Variants in VPS8 observed in about 807,000 individuals in gnomAD.
VPS8 encodes vacuolar protein sorting-associated protein 8 homolog.
VPS8 carries 129 observed loss-of-function variants against 216.4 expected under a neutral mutation model. That is an observed-to-expected ratio of 0.60 (90% CI 0.52 to 0.69). The LOEUF is 0.69. VPS8 is among the 30% of genes least tolerant of loss of function. The pLI is 0.00. For synonymous variants in VPS8, 571 were observed against 565.4 expected, an observed-to-expected ratio of 1.01 and a Z score of -0.14; for missense variants, 1,531 against 1,683.5, an observed-to-expected ratio of 0.91 and a Z score of 1.59.
chr3:184,886,839 G>A (rs1016890285), intron 22 of VPS8, among the ~76,000 whole-genome samples: 6 of 151,822 alleles, frequency 4.0e-5, no homozygotes, highest in African/African-American at 1.5e-4. Flanking sequence ...TCAGCCTCCT[G>A]AAGTGCTGGG....
At chr3:184,853,778 A>G in intron 11 of VPS8, 79 bp from the exon 12 acceptor site, 2 of 1,461,004 alleles carry the variant, frequency 1.4e-6, no homozygotes, top group Non-Finnish European at 1.9e-6. Context: ...GTAGGAGGCT[A>G]TGAAAGTAGT....
intron 17 of VPS8, 66 bp from the exon 18 acceptor site, chr3:184,867,958 C>T: frequency 2.6e-6 from 4 of 1,547,480 alleles, no homozygotes; most frequent in Non-Finnish European, 2.7e-6. Context: ...GGGACTAGGA[C>T]AAATGTATCT....
chr3:184,835,181 TATTTC>T (rs912696556), intron 5 of VPS8, among the ~76,000 whole-genome samples: 6 of 152,162 alleles, frequency 3.9e-5, no homozygotes, highest in Admixed American at 6.5e-5. Context: ...TCATGTCCCT[TATTTC>T]ATTTATTCTT....
chr3:184,954,659 G>A (rs79103760), intron 36 of VPS8, among the ~76,000 whole-genome samples: 2,739 of 152,220 alleles, frequency 0.018, 87 homozygotes, highest in African/African-American at 0.063. Context: ...CTTTCCGATA[G>A]GATTTATTCC....
intron 45 of VPS8, 139 bp from the exon 46 acceptor site, chr3:185,024,197 C>A: frequency 1.3e-6 from 1 of 777,742 alleles, no homozygotes; most frequent in Non-Finnish European, 2.0e-6. Flanking sequence ...AACACAAAAT[C>A]TATTAATCTA....
chr3:184,967,031 A>G (rs1360561932), intron 39 of VPS8, among the ~76,000 whole-genome samples: 3 of 151,902 alleles, frequency 2.0e-5, no homozygotes, highest in Non-Finnish European at 2.9e-5. Flanking sequence ...CAGTGGCACA[A>G]TCTTGGCTCA....
At chr3:184,965,795 T>C (rs1747310040) in intron 38 of VPS8, among the ~76,000 whole-genome samples, 1 of 152,084 alleles carries the variant, frequency 6.6e-6, no homozygotes, top group Non-Finnish European at 1.5e-5. Context: ...GCCATTGCAA[T>C]GGTACAGGTA....
Position 184,831,115 on chromosome 3 carries a change from C to T in VPS8, c.223-1574C>T, listed in dbSNP as rs759657649. Among the ~76,000 whole-genome samples, 55 of 152,224 alleles carry T rather than the reference C, an allele frequency of 3.6e-4. No homozygotes were observed. In the South Asian group the frequency reaches 4.4e-3, roughly 12 times the overall value. Reference sequence around the variant, plus strand: ...ACTAATAGGAGGACACATAAGTTAGCGGAGAACCAGGAAGGAGAGATGTAC... The same window carrying T: ...ACTAATAGGAGGACACATAAGTTAGTGGAGAACCAGGAAGGAGAGATGTAC... On this transcript the variant is annotated intron_variant, in intron 3 of 47. Transcript: ENST00000625842.
In VPS8 at chr3:185,048,893, G is replaced by C. The variant is rs538400885; in HGVS notation, c.4137+334G>C. ...TAGGATATGGATAGGTGCCCAATCT[G>C]TCCGAAGCCCTAGACCCTCCTGGGC... On this transcript the variant is annotated intron_variant, in intron 47 of 47. Transcript: ENST00000625842. 2.6e-5 allele frequency among the ~76,000 whole-genome samples: 4 copies of C among 152,322 alleles called. 1 individual carries two copies. The South Asian group carries it at 6.2e-4, about 24-fold the overall frequency.
chr3:184,965,456 C>A (rs9882347), intron 38 of VPS8, among the ~76,000 whole-genome samples: 143,677 of 152,214 alleles, frequency 0.94, 68,400 homozygotes, highest in East Asian at 1. Context: ...CTCTGTGGGG[C>A]ATGAGGCCAT....
At position 184,849,943 on chromosome 3, in the gene VPS8, T is replaced by A. The variant is rs1359067960; in HGVS notation, c.674T>A (p.Met225Lys). 3.1e-6 allele frequency: 5 copies of A among 1,612,470 alleles called. No individual in the cohort carries two copies. Among genetic ancestry groups the A allele is most frequent in the Non-Finnish European group, 4.2e-6 (5 of 1,179,340 alleles). ...CACTTAGTTGTCTTATAGATCACCA[T>A]GTGGGATTTGGCCAGTGGAAAACTT... is the stretch of plus-strand genomic sequence containing the variant. ...LCGFAKGQITMWDLASGKLLR... is the reference protein window; with the variant it reads ...LCGFAKGQITKWDLASGKLLR... The change falls in exon 10 of 48, where the codon ATG becomes AAG. Residue 225 changes from methionine (M) to lysine (K), a missense_variant. By Grantham distance (95) the Met-to-Lys change is moderately conservative. This residue lies in a region of VPS8 where 1,318 missense variants were observed against 1,468.4 expected (regional missense o/e 0.90). Transcript: ENST00000625842.
At chr3:184,849,912 T>C (rs775266235) in intron 9 of VPS8, 24 bp from the exon 10 acceptor site, 11 of 1,596,428 alleles carry the variant, frequency 6.9e-6, no homozygotes, top group African/African-American at 1.3e-5. Flanking sequence ...AAATTTGTTT[T>C]TGAAGCACTT....
Position 184,869,527 on chromosome 3 carries a change from G to A in VPS8, c.1643G>A (p.Arg548Gln), listed in dbSNP as rs752593630. The change falls in exon 20 of 48, where the codon CGG becomes CAG. Residue 548 changes from arginine (R) to glutamine (Q), a missense_variant and splice_region_variant. This residue lies in a region of VPS8 where 1,318 missense variants were observed against 1,468.4 expected (regional missense o/e 0.90). Transcript: ENST00000625842. Reference sequence around the variant, plus strand: ...AAGCGAAAGGCTATTGTTGCAGACCGGGTGAGTATTTTAAGAGGGTCTTTA... The same window carrying A: ...AAGCGAAAGGCTATTGTTGCAGACCAGGTGAGTATTTTAAGAGGGTCTTTA... ...ASKRKAIVADRMVEILFHYAD... is the reference protein window; with the variant it reads ...ASKRKAIVADQMVEILFHYAD... 1.9e-5 allele frequency: 30 copies of A among 1,613,038 alleles called. 1 individual carries two copies. The highest frequency in any genetic ancestry group is 1.3e-4 in the African/African-American group (10 of 74,824).
chr3:185,003,636 G>A (rs1413034116), intron 45 of VPS8, among the ~76,000 whole-genome samples: 13 of 152,078 alleles, frequency 8.5e-5, no homozygotes, highest in Admixed American at 4.6e-4. Context: ...AACCGCCATT[G>A]TCATCATGGC....
At chr3:184,924,686 G>A (rs1739245614) in intron 29 of VPS8, among the ~76,000 whole-genome samples, 176 bp from the exon 30 acceptor site, 2 of 152,080 alleles carry the variant, frequency 1.3e-5, no homozygotes. Flanking sequence ...TCCTCTCAGA[G>A]TATGCAAGTG....
intron 47 of VPS8, among the ~76,000 whole-genome samples, chr3:185,051,377 CTGTT>C (rs780001222): frequency 7.2e-5 from 11 of 152,144 alleles, no homozygotes; most frequent in Non-Finnish European, 1.3e-4. Context: ...AGCTGGGTGT[CTGTT>C]TGAGGCCTTC....
chr3:184,993,883 A>C (rs528742640), intron 42 of VPS8, 100 bp from the exon 43 acceptor site: 2 of 904,492 alleles, frequency 2.2e-6, no homozygotes, highest in East Asian at 2.8e-5. Context: ...TTGTGACTGT[A>C]GAAAAATACT....
At chr3:184,915,205 G>C in intron 27 of VPS8, 150 bp from the exon 28 acceptor site, 1 of 1,332,420 alleles carries the variant, frequency 7.5e-7, no homozygotes, top group African/African-American at 1.5e-5. Context: ...AATAATTAGA[G>C]CTGAGAAAGA....
intron 46 of VPS8, among the ~76,000 whole-genome samples, chr3:185,025,415 A>G (rs984225840): frequency 3.3e-5 from 5 of 152,230 alleles, no homozygotes; most frequent in Non-Finnish European, 1.5e-5. Context: ...TAGAACAAAA[A>G]TAACCACCTG....
Sources: gnomAD v4.1 joint callset for allele counts (sites outside exome capture counted in the v4.1 genomes callset) on GRCh38, gnomAD v4.1.1 for gene constraint, gnomAD v4.1.1 regional missense constraint, MANE v1.5 for transcripts, NCBI Gene and HGNC (gene_info 2026-07-23, HGNC 2026-07-21) for gene names.